Variants in CDKAL1 observed in about 807,000 individuals in gnomAD.
CDKAL1 encodes CDKAL1 threonylcarbamoyladenosine tRNA methylthiotransferase.
In CDKAL1, 32 loss-of-function variants were observed where a neutral mutation model predicts 68.2. The ratio of observed to expected loss-of-function variants is 0.47; its 90% confidence interval spans 0.35 to 0.63. CDKAL1 has a LOEUF of 0.63. Among genes scored for constraint, CDKAL1 ranks in the 30% least tolerant of loss-of-function variants. CDKAL1 has a pLI of 0.00. For missense variants in CDKAL1, 606 were observed against 696.7 expected (o/e 0.87, Z 1.47); for synonymous variants, 234 against 244.3 (o/e 0.96, Z 0.39).
intron 12 of CDKAL1, among the ~76,000 whole-genome samples, chr6:21,092,638 C>A (rs1773100392): frequency 6.7e-6 from 1 of 148,896 alleles, no homozygotes; most frequent in Non-Finnish European, 1.5e-5. Context: ...CCCTAACTAA[C>A]ACAAAGGACA....
chr6:20,921,778 C>G (rs1561886236), intron 9 of CDKAL1, among the ~76,000 whole-genome samples: 1 of 152,184 alleles, frequency 6.6e-6, no homozygotes, highest in East Asian at 1.9e-4. Flanking sequence ...TTCTGTAGTT[C>G]TTATTCTTCC....
rs1176468124 is a variant in CDKAL1, at chr6:20,534,571, C to A, written c.-53C>A. The A allele has an allele frequency of 6.6e-6, 1 of 152,630 alleles. No homozygotes were observed. Among genetic ancestry groups the A allele is most frequent in the African/African-American group, 2.4e-5 (1 of 41,352 alleles). The allele number at this position is 152,630 out of a possible 1,614,324, so 9.5% of individuals were successfully genotyped here. On this transcript the variant is annotated 5_prime_UTR_variant, in exon 1 of 16. It adds an upstream start codon to the 5' untranslated region. Transcript: ENST00000274695. ...TGGACTGGTTTTTACTTCCCGACTTCTGGGTAAGGGTGGCCGATGGGTCCA... is the reference window on the plus strand; with the variant it reads ...TGGACTGGTTTTTACTTCCCGACTTATGGGTAAGGGTGGCCGATGGGTCCA...
At chr6:20,949,701 T>C (rs987049964) in intron 9 of CDKAL1, among the ~76,000 whole-genome samples, 3 of 151,980 alleles carry the variant, frequency 2.0e-5, no homozygotes, top group African/African-American at 7.3e-5. Context: ...CCAATAATTA[T>C]AACACACTGT....
intron 8 of CDKAL1, among the ~76,000 whole-genome samples, chr6:20,795,643 A>C (rs1156847132): frequency 6.6e-6 from 1 of 152,214 alleles, no homozygotes; most frequent in East Asian, 1.9e-4. Context: ...ACATTTTCTT[A>C]GTACATAGAC....
intron 9 of CDKAL1, among the ~76,000 whole-genome samples, chr6:20,902,838 A>G (rs1263723454): frequency 6.6e-6 from 1 of 152,164 alleles, no homozygotes; most frequent in East Asian, 1.9e-4. Context: ...TGGGTGGTCT[A>G]AATGGGTGAT....
At chr6:20,720,582 C>T (rs1419483497) in intron 5 of CDKAL1, among the ~76,000 whole-genome samples, 11 of 151,660 alleles carry the variant, frequency 7.3e-5, no homozygotes, top group South Asian at 2.1e-4. Context: ...TCTCGGCTCA[C>T]GGCAACCTTT....
At chr6:21,059,215 C>T (rs1037629104) in intron 11 of CDKAL1, among the ~76,000 whole-genome samples, 4 of 152,332 alleles carry the variant, frequency 2.6e-5, no homozygotes, top group Admixed American at 6.5e-5. Context: ...CACTGTGCTG[C>T]ATTGTGGGGA....
At chr6:20,944,826 T>C (rs1489833607) in intron 9 of CDKAL1, among the ~76,000 whole-genome samples, 2 of 152,238 alleles carry the variant, frequency 1.3e-5, no homozygotes, top group African/African-American at 4.8e-5. Context: ...AAATTACCTT[T>C]TGTTGACATT....
intron 11 of CDKAL1, among the ~76,000 whole-genome samples, chr6:21,007,313 G>A (rs935476523): frequency 3.3e-5 from 5 of 151,478 alleles, no homozygotes; most frequent in South Asian, 2.1e-4. Flanking sequence ...GCCTGTAGTC[G>A]CAGCTACTTG....
At chr6:20,812,120 TA>T (rs1177258062) in intron 8 of CDKAL1, among the ~76,000 whole-genome samples, 2 of 152,222 alleles carry the variant, frequency 1.3e-5, no homozygotes, top group African/African-American at 4.8e-5. Context: ...AGAATTTTTT[TA>T]AAAATTTGGT....
At chr6:20,753,957 A>ATGTGTGTG (rs112105313) in intron 6 of CDKAL1, among the ~76,000 whole-genome samples, 2,564 of 147,788 alleles carry the variant, frequency 0.017, 20 homozygotes, top group African/African-American at 0.03. Flanking sequence ...TATTATCTGT[A>ATGTGTGTG]TGTGTGTGTG....
intron 8 of CDKAL1, among the ~76,000 whole-genome samples, chr6:20,840,255 G>A (rs989402733): frequency 6.6e-6 from 1 of 152,146 alleles, no homozygotes; most frequent in Non-Finnish European, 1.5e-5. Flanking sequence ...TTTGGCAGCT[G>A]TCTTTTACTA....
In CDKAL1 at chr6:20,961,622, C is replaced by A. The variant is rs544242043; in HGVS notation, c.909+6037C>A. 1.2e-4 allele frequency among the ~76,000 whole-genome samples: 18 copies of A among 152,036 alleles called. No homozygotes were observed. In the East Asian group the frequency reaches 3.3e-3, roughly 28 times the overall value. ...CTCTACTAAAAATACAAAAAATTAG[C>A]CGGGTGTGGTGGCGGGTGCCTGTAG... On this transcript the variant is annotated intron_variant, in intron 10 of 15. Transcript: ENST00000274695.
intron 11 of CDKAL1, among the ~76,000 whole-genome samples, chr6:21,023,967 T>C (rs2150866000): frequency 6.6e-6 from 1 of 152,330 alleles, no homozygotes; most frequent in East Asian, 1.9e-4. Flanking sequence ...GAAACTGTCC[T>C]TGGCTGAAGA....
chr6:21,179,088 C>G (rs926988547), intron 13 of CDKAL1, among the ~76,000 whole-genome samples: 3 of 152,236 alleles, frequency 2.0e-5, no homozygotes, highest in African/African-American at 7.2e-5. Context: ...GTGACGTGCT[C>G]ATTGCATGGG....
At chr6:20,772,746 A>G (rs963917506) in intron 7 of CDKAL1, 6 of 152,176 alleles carry the variant, frequency 3.9e-5, no homozygotes, top group Admixed American at 1.3e-4. Flanking sequence ...TATTAAGATT[A>G]TAGAGTAGGT....
intron 4 of CDKAL1, among the ~76,000 whole-genome samples, chr6:20,607,381 A>G (rs1368845731): frequency 6.6e-6 from 1 of 152,248 alleles, no homozygotes; most frequent in Non-Finnish European, 1.5e-5. Flanking sequence ...ATTCTTTTAA[A>G]TTATTCATAG....
intron 4 of CDKAL1, among the ~76,000 whole-genome samples, chr6:20,550,138 C>G (rs1347765274): frequency 3.9e-5 from 6 of 152,050 alleles, no homozygotes; most frequent in South Asian, 4.1e-4. Flanking sequence ...GCCACCACAC[C>G]AGGCTAATTT....
chr6:20,767,403 T>A (rs1273930539), intron 7 of CDKAL1, among the ~76,000 whole-genome samples: 3 of 152,124 alleles, frequency 2.0e-5, no homozygotes, highest in African/African-American at 7.2e-5. Context: ...AGAAACCAGG[T>A]CATGTTAGAA....
Sources: gnomAD v4.1 joint callset for allele counts (sites outside exome capture counted in the v4.1 genomes callset) on GRCh38, gnomAD v4.1.1 for gene constraint, MANE v1.5 for transcripts, NCBI Gene and HGNC (gene_info 2026-07-23, HGNC 2026-07-21) for gene names.